Variants in EPB41L2 observed in about 807,000 individuals in gnomAD.
EPB41L2 encodes erythrocyte membrane protein band 4.1 like 2, also known as band 4.1-like protein 2.
EPB41L2 carries 43 observed loss-of-function variants against 113.0 expected under a neutral mutation model. That is an observed-to-expected ratio of 0.38 (90% CI 0.30 to 0.49). The LOEUF is 0.49. Among genes scored for constraint, EPB41L2 ranks in the 20% least tolerant of loss-of-function variants. The pLI is 0.95. For missense variants in EPB41L2, 1,147 were observed against 1,223.4 expected, an observed-to-expected ratio of 0.94 and a Z score of 0.93; for synonymous variants, 442 against 436.7, an observed-to-expected ratio of 1.01 and a Z score of -0.15.
intron 1 of EPB41L2, among the ~76,000 whole-genome samples, chr6:130,957,590 T>C (rs1817860602): frequency 6.6e-6 from 1 of 150,740 alleles, no homozygotes; most frequent in Non-Finnish European, 1.5e-5. Context: ...AGCCCAGGAG[T>C]CTGAGGCCAG....
In EPB41L2 at chr6:130,858,041, C is replaced by T. The variant is rs112565435; in HGVS notation, c.*5+90G>A. The T allele has an allele frequency of 5.3e-5, 53 of 1,002,598 alleles. No homozygotes were observed. The African/African-American group carries it at 6.5e-4, about 12-fold the overall frequency. 62.1% of individuals were successfully genotyped at this position (1,002,598 alleles called of 1,614,324 possible). The stretch of plus-strand genomic sequence containing the variant: ...TCAAATGTACTATAGGAAGAAGACA[C>T]TGATATGAACTTTCATTTCACATCC... On this transcript the variant is annotated intron_variant, in intron 19 of 19. Coordinates refer to ENST00000337057, the MANE Select transcript of EPB41L2 (RefSeq NM_001431.4).
chr6:130,918,630 A>G (rs1473990538), intron 4 of EPB41L2, among the ~76,000 whole-genome samples: 1 of 151,874 alleles, frequency 6.6e-6, no homozygotes, highest in African/African-American at 2.4e-5. Flanking sequence ...AACTAAAAAG[A>G]CTTTCACCTC....
intron 18 of EPB41L2, among the ~76,000 whole-genome samples, chr6:130,859,096 G>A (rs1781187609): frequency 6.6e-6 from 1 of 152,234 alleles, no homozygotes; most frequent in South Asian, 2.1e-4. Flanking sequence ...AAAGTAAACT[G>A]TAAGAGTGTT....
At chr6:130,929,740 G>C (rs959545866) in intron 3 of EPB41L2, among the ~76,000 whole-genome samples, 1 of 151,930 alleles carries the variant, frequency 6.6e-6, no homozygotes, top group African/African-American at 2.4e-5. Context: ...GTGACCAGTA[G>C]CCTACAAGAT....
Position 130,872,954 on chromosome 6 carries a change from C to T in EPB41L2, c.2044-2828G>A, listed in dbSNP as rs143806144. ...GTCCTCCCTCTCCTGCCTCCAAGGC[C>T]CTTCTTTGCCCTTATCTGCACATTC... On this transcript the variant is annotated intron_variant, in intron 14 of 19. Transcript: ENST00000337057. Among the ~76,000 whole-genome samples, 149 of 152,268 alleles carry T rather than the reference C, an allele frequency of 9.8e-4. 2 individuals are homozygous for T. Among genetic ancestry groups the T allele is most frequent in the African/African-American group, 3.6e-3 (148 of 41,526 alleles).
intron 11 of EPB41L2, among the ~76,000 whole-genome samples, chr6:130,886,034 T>A (rs917143238): frequency 6.6e-6 from 1 of 152,148 alleles, no homozygotes; most frequent in Non-Finnish European, 1.5e-5. Flanking sequence ...AAGTGAGTAG[T>A]AGGTGGCAGG....
chr6:130,901,424 A>G (rs1307361510), intron 6 of EPB41L2, among the ~76,000 whole-genome samples: 3 of 151,886 alleles, frequency 2.0e-5, no homozygotes, highest in Non-Finnish European at 4.4e-5. Context: ...GTGTATATAT[A>G]TAAGAGTTTT....
At chr6:130,878,388 G>A in intron 13 of EPB41L2, 138 bp from the exon 14 acceptor site, 1 of 965,634 alleles carries the variant, frequency 1.0e-6, no homozygotes, top group Non-Finnish European at 1.5e-6. Flanking sequence ...AAAATGCCAA[G>A]TCTCTAAAGC....
chr6:130,944,889 T>C (rs1232625777), intron 3 of EPB41L2, among the ~76,000 whole-genome samples: 1 of 152,182 alleles, frequency 6.6e-6, no homozygotes, highest in Non-Finnish European at 1.5e-5. Context: ...GTGAGCTCCT[T>C]GTGTTCTTCA....
intron 1 of EPB41L2, among the ~76,000 whole-genome samples, chr6:131,040,562 A>G (rs1270676812): frequency 6.6e-6 from 1 of 152,208 alleles, no homozygotes. Flanking sequence ...AAAATCACCA[A>G]TGGATACTAA....
At chr6:131,011,517 T>C (rs1215116475) in intron 1 of EPB41L2, among the ~76,000 whole-genome samples, 1 of 152,250 alleles carries the variant, frequency 6.6e-6, no homozygotes, top group Non-Finnish European at 1.5e-5. Flanking sequence ...CGGCTTTCTA[T>C]TTACAAATCA....
intron 1 of EPB41L2, among the ~76,000 whole-genome samples, chr6:131,049,140 A>G (rs1796065325): frequency 1.3e-5 from 2 of 152,248 alleles, no homozygotes; most frequent in Admixed American, 6.5e-5. Flanking sequence ...AAAGTTTAGA[A>G]TATCTTCAAC....
intron 1 of EPB41L2, among the ~76,000 whole-genome samples, chr6:131,027,342 T>G (rs1040922249): frequency 5.3e-5 from 8 of 152,162 alleles, no homozygotes; most frequent in Non-Finnish European, 1.0e-4. Context: ...TAGACTCACA[T>G]CTAAATGTGC....
At chr6:130,994,949 G>A (rs896414742) in intron 1 of EPB41L2, among the ~76,000 whole-genome samples, 5 of 151,386 alleles carry the variant, frequency 3.3e-5, no homozygotes, top group East Asian at 3.9e-4. Context: ...GAGTTCTCCC[G>A]CCTTTGCTTC....
At chr6:131,041,422 T>C (rs184686951) in intron 1 of EPB41L2, among the ~76,000 whole-genome samples, 1 of 152,194 alleles carries the variant, frequency 6.6e-6, no homozygotes, top group African/African-American at 2.4e-5. Context: ...TCAGTCCAGC[T>C]AGAAACACCT....
At chr6:131,040,968 T>C (rs1486823530) in intron 1 of EPB41L2, among the ~76,000 whole-genome samples, 1 of 152,122 alleles carries the variant, frequency 6.6e-6, no homozygotes, top group Non-Finnish European at 1.5e-5. Context: ...TCTCCAACAG[T>C]TCACCGTCAT....
chr6:130,844,248 T>C (rs1776328973), intron 19 of EPB41L2, among the ~76,000 whole-genome samples: 1 of 152,152 alleles, frequency 6.6e-6, no homozygotes, highest in Non-Finnish European at 1.5e-5. Context: ...CATAATCAAA[T>C]ATTCTGAAAA....
intron 11 of EPB41L2, among the ~76,000 whole-genome samples, chr6:130,888,661 T>C (rs1488214821): frequency 6.6e-5 from 10 of 152,204 alleles, no homozygotes; most frequent in Admixed American, 6.5e-4. Flanking sequence ...ATTCGGCACT[T>C]GTATAAATTC....
chr6:131,045,467 A>C (rs556079580), intron 1 of EPB41L2, among the ~76,000 whole-genome samples: 33 of 149,322 alleles, frequency 2.2e-4, no homozygotes, highest in Non-Finnish European at 4.5e-4. Flanking sequence ...TAACAGATTA[A>C]AATAGGTAAA....
Sources: allele counts gnomAD v4.1 joint callset (sites outside exome capture counted in the v4.1 genomes callset), GRCh38; gene constraint gnomAD v4.1.1; transcripts MANE v1.5; gene names NCBI Gene and HGNC (gene_info 2026-07-23, HGNC 2026-07-21).